Variants in ZNF226 observed in about 807,000 individuals in gnomAD.
The protein encoded by ZNF226 is Kruppel-associated box protein.
A neutral mutation model predicts 11.4 loss-of-function variants in ZNF226; 6 were observed. That is an observed-to-expected ratio of 0.53 (90% confidence interval 0.29 to 1.04). The LOEUF (loss-of-function observed/expected upper bound fraction) is 1.04. Ranked by LOEUF, ZNF226 falls within the 50% of genes least tolerant of loss-of-function variation. ZNF226 has a pLI of 0.08. For missense variants in ZNF226, 1,058 were observed against 956.5 expected (o/e 1.11, Z -1.40); for synonymous variants, 350 against 322.8 (o/e 1.08, Z -0.90).
At chr19:44,182,940 G>C (rs569530333), downstream of ZNF226, among the ~76,000 whole-genome samples, 1 of 152,314 alleles carries the variant, frequency 6.6e-6, no homozygotes, top group Non-Finnish European at 1.5e-5. Context: ...ATCAACATGA[G>C]AGAGAATTGT....
chr19:44,176,197 G>A lies in ZNF226; in HGVS notation c.935G>A (p.Cys312Tyr), dbSNP rs750006112. ...GGAGAAAAACTTAAGTGTGATGAGTGTGGTAAGGAATTCAGTCAGGGCGCT... is the reference window on the plus strand; with the variant it reads ...GGAGAAAAACTTAAGTGTGATGAGTATGGTAAGGAATTCAGTCAGGGCGCT... ...HVGEKLKCDE[C>Y]GKEFSQGAHL... is the part of the protein sequence containing the mutation. The change falls in exon 6 of 6, where the codon TGT (cysteine) becomes TAT (tyrosine). Residue 312 changes from cysteine to tyrosine, a missense_variant. Cys to Tyr is a radical substitution (Grantham distance 194). Transcript: ENST00000337433. 6.2e-7 allele frequency: 1 copy of A among 1,614,150 alleles called. No individual in the cohort carries two copies. The highest frequency in any genetic ancestry group is 1.3e-5 in the African/African-American group (1 of 75,046).
chr19:44,190,625 G>A, the ZNF226 span, among the ~76,000 whole-genome samples: 19 of 152,076 alleles, frequency 1.2e-4, no homozygotes, highest in African/African-American at 4.1e-4. Flanking sequence ...GTGAGCCACC[G>A]TGCCTGGCCA....
intron 2 of ZNF226, among the ~76,000 whole-genome samples, chr19:44,168,132 T>G (rs980801663): frequency 1.3e-5 from 2 of 152,194 alleles, no homozygotes; most frequent in African/African-American, 4.8e-5. Context: ...TACAAGCTGT[T>G]TTGTTTTTTT....
Position 44,176,244 on chromosome 19 carries a change from G to A in ZNF226, c.982G>A (p.Val328Ile). The A allele has an allele frequency of 1.2e-6, 2 of 1,614,170 alleles. No homozygotes were observed. Among genetic ancestry groups the A allele is most frequent in the Admixed American group, 1.7e-5 (1 of 60,036 alleles). ...QGAHLQTHQK[V>I]HVIEKPYKCK... ...CGCTCATCTACAGACCCATCAGAAA[G>A]TCCACGTGATAGAGAAACCATACAA... The change falls in exon 6 of 6, where the codon GTC (valine) becomes ATC (isoleucine). Residue 328 changes from valine (V) to isoleucine (I), a missense_variant. Transcript: ENST00000337433.
Position 44,177,580 on chromosome 19 carries a change from A to G in ZNF226, c.2318A>G (p.His773Arg), listed in dbSNP as rs1331657974. 2 of 1,614,038 alleles carry G rather than the reference A, an allele frequency of 1.2e-6. No individual in the cohort carries two copies. Among genetic ancestry groups the G allele is most frequent in the Non-Finnish European group, 8.5e-7 (1 of 1,179,888 alleles). Residue 773 changes from histidine to arginine, a missense_variant, in exon 6 of 6, where the codon CAT becomes CGT. Physicochemically the swap from His to Arg is conservative, Grantham distance 29. Transcript: ENST00000337433. ...AGTTGGCGATCAAATCTTACAGTTC[A>G]TCACAGAATCCATGTTGGTGATAAA... ...SFSWRSNLTV[H>R]HRIHVGDKSY... is the part of the protein sequence containing the mutation.
intron 1 of ZNF226, among the ~76,000 whole-genome samples, chr19:44,165,433 A>C (rs1040856130): frequency 6.6e-6 from 1 of 152,112 alleles, no homozygotes; most frequent in Non-Finnish European, 1.5e-5. Flanking sequence ...TATCACATTG[A>C]GCGAGTTAGT....
the ZNF226 span, among the ~76,000 whole-genome samples, chr19:44,185,599 T>C: frequency 6.6e-6 from 1 of 152,248 alleles, no homozygotes; most frequent in South Asian, 2.1e-4. Flanking sequence ...TTGGATTATT[T>C]GGGGTTTTTT....
At chr19:44,184,707 A>G in the ZNF226 span, among the ~76,000 whole-genome samples, 1 of 152,220 alleles carries the variant, frequency 6.6e-6, no homozygotes, top group Non-Finnish European at 1.5e-5. Context: ...AATGACTACT[A>G]GGATTCTTAG....
At chr19:44,165,422 G>C (rs1969251383) in intron 1 of ZNF226, among the ~76,000 whole-genome samples, 1 of 152,072 alleles carries the variant, frequency 6.6e-6, no homozygotes, top group Non-Finnish European at 1.5e-5. Flanking sequence ...ACTTCATACA[G>C]TATCACATTG....
downstream of ZNF226, among the ~76,000 whole-genome samples, chr19:44,182,396 C>A (rs1970919516): frequency 6.6e-6 from 1 of 152,136 alleles, no homozygotes; most frequent in Admixed American, 6.5e-5. Flanking sequence ...TCAGTTATAA[C>A]AAGCAAAAAT....
downstream of ZNF226, among the ~76,000 whole-genome samples, chr19:44,181,782 A>G (rs1485053038): frequency 6.6e-6 from 1 of 152,026 alleles, no homozygotes; most frequent in Non-Finnish European, 1.5e-5. Flanking sequence ...GCCTGTGATG[A>G]CCTTCCCTGA....
chr19:44,172,916 A>T lies in ZNF226; in HGVS notation c.199A>T (p.Ile67Leu), dbSNP rs780678110. Reference sequence around the variant, plus strand: ...TATAGAAAGAAATGAGCAGCTTTGGATAATGACGACAGCAACCCGAAGACA... The same window carrying T: ...TATAGAAAGAAATGAGCAGCTTTGGTTAATGACGACAGCAACCCGAAGACA... ...SPIERNEQLWIMTTATRRQGN... is the reference protein window; with the variant it reads ...SPIERNEQLWLMTTATRRQGN... Residue 67 changes from isoleucine to leucine, a missense_variant, in exon 5 of 6, where the codon ATA becomes TTA. Coordinates refer to ENST00000337433, the MANE Select transcript of ZNF226 (RefSeq NM_001032373.2). 5.0e-6 allele frequency: 8 copies of T among 1,605,884 alleles called. No individual in the cohort carries two copies. In the South Asian group the frequency reaches 7.9e-5, roughly 16 times the overall value.
rs373404297 is a variant in ZNF226 at position 44,170,186 on chromosome 19, G to A, written c.15+91G>A. 33 of 1,336,340 alleles carry A rather than the reference G, an allele frequency of 2.5e-5. No homozygotes were observed. In the African/African-American group the frequency reaches 2.6e-4, roughly 11 times the overall value. The allele number at this position is 1,336,340 out of a possible 1,614,324, so 82.8% of individuals were successfully genotyped here. A position where few individuals can be genotyped will look rare whatever the true frequency, so the allele number is the denominator to read the frequency against. ...TTTTTCTTTTTCAAGTAAGAGTCAAGGCATCTGATGACCTGTTGAGTGTGC... is the reference window on the plus strand; with the variant it reads ...TTTTTCTTTTTCAAGTAAGAGTCAAAGCATCTGATGACCTGTTGAGTGTGC... On this transcript the variant is annotated intron_variant, in intron 3 of 5. Coordinates refer to ENST00000337433, the MANE Select transcript of ZNF226 (RefSeq NM_001032373.2).
chr19:44,177,147 A>C lies in ZNF226; in HGVS notation c.1885A>C (p.Asn629His). 1 of 1,612,484 alleles carries C rather than the reference A, an allele frequency of 6.2e-7. No homozygotes were observed. Among genetic ancestry groups the C allele is most frequent in the African/African-American group, 1.3e-5 (1 of 74,428 alleles). The part of the protein sequence containing the change: ...ECGKVFRQAS[N>H]LLAHQRVHSG... ...TGGGAAGGTCTTCAGGCAGGCCTCA[A>C]ATCTTTTGGCCCATCAGAGAGTCCA... is the stretch of plus-strand genomic sequence containing the variant. Residue 629 changes from asparagine (N) to histidine (H), a missense_variant, in exon 6 of 6, where the codon AAT becomes CAT. Transcript: ENST00000337433.
In ZNF226 at chr19:44,176,030, G is replaced by T. The variant is rs777265407; in HGVS notation, c.768G>T (p.Glu256Asp). The T allele has an allele frequency of 4.3e-6, 7 of 1,613,960 alleles. No individual in the cohort carries two copies. Among genetic ancestry groups the T allele is most frequent in the Non-Finnish European group, 5.9e-6 (7 of 1,179,896 alleles). The change falls in exon 6 of 6, where the codon GAG becomes GAT. Residue 256 changes from glutamate (E) to aspartate (D), a missense_variant. Coordinates refer to ENST00000337433, the MANE Select transcript of ZNF226 (RefSeq NM_001032373.2). ...HTGQKSYQCN[E>D]CKKPFSDLSS... Reference sequence around the variant, plus strand: ...GACAGAAATCGTACCAGTGTAATGAGTGTAAAAAACCCTTCAGTGATCTCT... The same window carrying T: ...GACAGAAATCGTACCAGTGTAATGATTGTAAAAAACCCTTCAGTGATCTCT...
At chr19:44,186,421 T>G in the ZNF226 span, among the ~76,000 whole-genome samples, 30 of 152,154 alleles carry the variant, frequency 2.0e-4, no homozygotes, top group African/African-American at 6.0e-4. Context: ...GTAAAAATAT[T>G]TCAGTTATTT....
intron 2 of ZNF226, among the ~76,000 whole-genome samples, chr19:44,167,491 T>G (rs1279632224): frequency 6.6e-6 from 1 of 151,976 alleles, no homozygotes; most frequent in Non-Finnish European, 1.5e-5. Flanking sequence ...CTAATTTTTT[T>G]GTATTTTTAG....
At chr19:44,195,127 C>T in the ZNF226 span, among the ~76,000 whole-genome samples, 2 of 152,196 alleles carry the variant, frequency 1.3e-5, no homozygotes, top group Non-Finnish European at 2.9e-5. Context: ...AACACTTGGC[C>T]TTATACCAGA....
rs1395132598 is a variant in ZNF226 at position 44,175,601 on chromosome 19, G to T, written c.339G>T (p.Arg113Ser). The T allele has an allele frequency of 1.2e-6, 2 of 1,613,744 alleles. No homozygotes were observed. Among genetic ancestry groups the T allele is most frequent in the East Asian group, 2.2e-5 (1 of 44,874 alleles). The stretch of plus-strand genomic sequence containing the variant: ...AACAAATTGCAAATGACTTAACCAG[G>T]TGTCAAGACTCCATGATCAATAATT... ...IWQQIANDLT[R>S]CQDSMINNSQ... The change falls in exon 6 of 6, where the codon AGG (arginine) becomes AGT (serine). Residue 113 changes from arginine (R) to serine (S), a missense_variant. Coordinates refer to ENST00000337433, the MANE Select transcript of ZNF226 (RefSeq NM_001032373.2).
Sources: gnomAD v4.1 joint callset for allele counts (sites outside exome capture counted in the v4.1 genomes callset) on GRCh38, gnomAD v4.1.1 for gene constraint, MANE v1.5 for transcripts, NCBI Gene and HGNC (gene_info 2026-07-23, HGNC 2026-07-21) for gene names.